Variants in PLEKHA6 observed in about 807,000 individuals in gnomAD.
PLEKHA6 encodes the protein pleckstrin homology domain-containing family A member 6.
PLEKHA6 carries 60 observed loss-of-function variants against 116.7 expected under a neutral mutation model. That is an observed-to-expected ratio of 0.51 (90% CI 0.42 to 0.64). The LOEUF is 0.64. Among genes scored for constraint, PLEKHA6 ranks in the 30% least tolerant of loss-of-function variants. The pLI is 0.00. For missense variants in PLEKHA6, 1,338 were observed against 1,422.7 expected, an observed-to-expected ratio of 0.94 and a Z score of 0.96; for synonymous variants, 489 against 556.1, an observed-to-expected ratio of 0.88 and a Z score of 1.70.
chr1:204,290,728 G>C (rs1367824608), intron 1 of PLEKHA6, among the ~76,000 whole-genome samples: 1 of 152,180 alleles, frequency 6.6e-6, no homozygotes, highest in African/African-American at 2.4e-5. Context: ...AGTGGCTCAT[G>C]CCTGTAATCC....
At chr1:204,352,594 T>C (rs1416691435) in intron 1 of PLEKHA6, among the ~76,000 whole-genome samples, 1 of 152,202 alleles carries the variant, frequency 6.6e-6, no homozygotes, top group Admixed American at 6.5e-5. Flanking sequence ...TCTATCCTTT[T>C]CTTTTTTGGC....
rs370289747 is a variant in PLEKHA6 at position 204,347,487 on chromosome 1, T to C, written c.-95+12207A>G. ...TTTGTGCAGTTAACGCAATTATCAC[T>C]GGGTCCTGAGGTGACATACATCCTC... On this transcript the variant is annotated intron_variant, in intron 1 of 22. Transcript: ENST00000272203. Among the ~76,000 whole-genome samples, 11 of 151,296 alleles carry C rather than the reference T, an allele frequency of 7.3e-5. No individual in the cohort carries two copies. The East Asian group carries it at 1.9e-3, about 27-fold the overall frequency.
intron 1 of PLEKHA6, among the ~76,000 whole-genome samples, chr1:204,349,291 C>T (rs1673191971): frequency 6.6e-6 from 1 of 152,190 alleles, no homozygotes; most frequent in South Asian, 2.1e-4. Context: ...ATAATCCCAG[C>T]ACTTTGGGAG....
intron 1 of PLEKHA6, among the ~76,000 whole-genome samples, chr1:204,305,649 G>A (rs1558166428): frequency 6.6e-6 from 1 of 152,070 alleles, no homozygotes. Context: ...TTGAACAAAA[G>A]GAAGAAATTA....
At chr1:204,245,767 G>A (rs967285455) in intron 13 of PLEKHA6, 41 bp from the exon 14 acceptor site, 3 of 1,403,596 alleles carry the variant, frequency 2.1e-6, no homozygotes, top group Non-Finnish European at 3.0e-6. Context: ...ATGGCCATGA[G>A]GAGTGTCCAG....
rs1386433628 is a variant in PLEKHA6 at position 204,238,066 on chromosome 1, C to T, written c.2409+3309G>A. ...GCCCCTCCTACAACCAAGAAAGAGG[C>T]ACAGTCTAGTAGGCCTATTTGGAAT... On this transcript the variant is annotated intron_variant, in intron 17 of 22. Transcript: ENST00000272203. The surrounding 1 kb of genome is among the most constrained non-coding windows in gnomAD (Gnocchi z 4.2). Among the ~76,000 whole-genome samples the T allele has an allele frequency of 6.6e-6, 1 of 152,174 alleles. No homozygotes were observed.
At chr1:204,363,853 T>C (rs1178396942), upstream of PLEKHA6, among the ~76,000 whole-genome samples, 4 of 152,056 alleles carry the variant, frequency 2.6e-5, no homozygotes, top group African/African-American at 9.7e-5. Context: ...TCTTGTGGAT[T>C]CTTGCGGTAA....
intron 2 of PLEKHA6, among the ~76,000 whole-genome samples, chr1:204,371,170 T>G (rs756330819): frequency 1.3e-5 from 2 of 152,152 alleles, no homozygotes; most frequent in Non-Finnish European, 2.9e-5. Flanking sequence ...TAGAGAACCC[T>G]TCCATCACGA....
intron 1 of PLEKHA6, chr1:204,347,301 C>T: frequency 2.4e-6 from 2 of 835,956 alleles, no homozygotes; most frequent in African/African-American, 1.7e-5. Flanking sequence ...CCGAAAGGCT[C>T]CCATTTGCTT....
intron 1 of PLEKHA6, chr1:204,347,063 T>C (rs1673085671): frequency 1.0e-5 from 15 of 1,431,662 alleles, no homozygotes; most frequent in Admixed American, 3.3e-5. Flanking sequence ...TGGGTAACAT[T>C]GTAGACTCTT....
intron 3 of PLEKHA6, among the ~76,000 whole-genome samples, chr1:204,365,626 A>G (rs1239181764): frequency 6.6e-6 from 1 of 152,210 alleles, no homozygotes; most frequent in South Asian, 2.1e-4. Flanking sequence ...TGGTAGCTGA[A>G]GCAGAAATCA....
In PLEKHA6 at chr1:204,333,141, T is replaced by A. The variant is rs551237784; in HGVS notation, c.-95+26553A>T. 2.6e-5 allele frequency among the ~76,000 whole-genome samples: 4 copies of A among 152,082 alleles called. No individual in the cohort carries two copies. The South Asian group carries it at 8.3e-4, about 32-fold the overall frequency. On this transcript the variant is annotated intron_variant, in intron 1 of 22. Coordinates refer to ENST00000272203, the MANE Select transcript of PLEKHA6 (RefSeq NM_014935.5). ...CCCAGGAGAGCCAGAGGCCCCCAGCTCCACCAGGCGGGAAATGAAAACTGG... is the reference window on the plus strand; with the variant it reads ...CCCAGGAGAGCCAGAGGCCCCCAGCACCACCAGGCGGGAAATGAAAACTGG...
chr1:204,255,852 G>A (rs2102716702), intron 9 of PLEKHA6, among the ~76,000 whole-genome samples: 1 of 152,290 alleles, frequency 6.6e-6, no homozygotes, highest in South Asian at 2.1e-4. Context: ...GAGGATGTGG[G>A]CAGGCAAAGT....
Position 204,261,752 on chromosome 1 carries a change from A to G in PLEKHA6, c.382-304T>C, listed in dbSNP as rs1345115393. On this transcript the variant is annotated intron_variant, in intron 6 of 22. Coordinates refer to ENST00000272203, the MANE Select transcript of PLEKHA6 (RefSeq NM_014935.5). The surrounding 1 kb of genome is among the most constrained non-coding windows in gnomAD (Gnocchi z 4.0). ...GGTAATTAAAGCAGGAGGGACAATG[A>G]TCACACCCATTCTCCCGGCAAATTC... 1.3e-5 allele frequency among the ~76,000 whole-genome samples: 2 copies of G among 152,200 alleles called. No homozygotes were observed. The highest frequency in any genetic ancestry group is 2.9e-5 in the Non-Finnish European group (2 of 68,032).
At chr1:204,310,155 G>T (rs1300271511) in intron 1 of PLEKHA6, among the ~76,000 whole-genome samples, 1 of 152,054 alleles carries the variant, frequency 6.6e-6, no homozygotes, top group Non-Finnish European at 1.5e-5. Context: ...CTCTCAGGAA[G>T]GATGTAGCAG....
chr1:204,313,361 G>C (rs371378274), intron 1 of PLEKHA6, among the ~76,000 whole-genome samples: 3 of 151,948 alleles, frequency 2.0e-5, no homozygotes, highest in Admixed American at 6.6e-5. Flanking sequence ...TAACTTACAG[G>C]GTGCTGGAAA....
chr1:204,250,105 C>T (rs1186014602), intron 10 of PLEKHA6, among the ~76,000 whole-genome samples: 2 of 152,214 alleles, frequency 1.3e-5, no homozygotes, highest in African/African-American at 4.8e-5. Flanking sequence ...CTGGCACTTC[C>T]CACTACCCTG....
chr1:204,314,922 G>A (rs553431662), intron 1 of PLEKHA6, among the ~76,000 whole-genome samples: 1 of 152,272 alleles, frequency 6.6e-6, no homozygotes, highest in South Asian at 2.1e-4. Context: ...AACCCCTAGA[G>A]GTATCAATGT....
chr1:204,255,692 C>T (rs917124372), intron 9 of PLEKHA6: 8 of 702,642 alleles, frequency 1.1e-5, no homozygotes, highest in Non-Finnish European at 1.8e-5. Flanking sequence ...ACCCGGAGCC[C>T]GAGGCCCAGA....
Sources: allele counts gnomAD v4.1 joint callset (sites outside exome capture counted in the v4.1 genomes callset), GRCh38; gene constraint gnomAD v4.1.1; non-coding constraint Gnocchi (gnomAD v3.1); transcripts MANE v1.5; gene names NCBI Gene and HGNC (gene_info 2026-07-23, HGNC 2026-07-21).